The following RAPGEF5 variants were observed in gnomAD, a reference collection of about 807,000 sequenced individuals.
RAPGEF5 encodes Rap guanine nucleotide exchange factor 5, also known as M-Ras-regulated GEF.
In RAPGEF5, 65 loss-of-function variants were observed where a neutral mutation model predicts 125.2. The observed-to-expected ratio is 0.52, with a 90% CI of 0.43 to 0.64. RAPGEF5 has a LOEUF of 0.64. RAPGEF5 is among the 30% of genes least tolerant of loss of function. The pLI, the probability that RAPGEF5 is intolerant of heterozygous loss-of-function variation, is 0.00. For missense variants in RAPGEF5, 958 were observed against 1,048.1 expected (o/e 0.91, Z 1.19); for synonymous variants, 391 against 385.9 (o/e 1.01, Z -0.16).
chr7:22,274,103 T>C (rs1782503498), intron 6 of RAPGEF5, among the ~76,000 whole-genome samples: 1 of 152,204 alleles, frequency 6.6e-6, no homozygotes, highest in African/African-American at 2.4e-5. Flanking sequence ...CTACTGCTTC[T>C]CTTCTCCAAA....
At chr7:22,298,733 T>C (rs750736711) in intron 5 of RAPGEF5, 2 of 152,266 alleles carry the variant, frequency 1.3e-5, no homozygotes, top group Non-Finnish European at 2.9e-5. Context: ...CCAGTAAACT[T>C]ATGTAAGCCC....
Position 22,246,347 on chromosome 7 carries a change from C to T in RAPGEF5, c.797-15428G>A, listed in dbSNP as rs192040793. Among the ~76,000 whole-genome samples the T allele has an allele frequency of 9.9e-5, 15 of 152,216 alleles. No homozygotes were observed. In the East Asian group the frequency reaches 1.5e-3, roughly 16 times the overall value. On this transcript the variant is annotated intron_variant, in intron 7 of 25. Transcript: ENST00000665637. ...AAACTATATTATAAGGCTACAGTTACCAAAACAGCATGGTACTGTTACAAA... is the reference window on the plus strand; with the variant it reads ...AAACTATATTATAAGGCTACAGTTATCAAAACAGCATGGTACTGTTACAAA...
In RAPGEF5 at chr7:22,187,142, C is replaced by A. The variant is rs557883729; in HGVS notation, c.1204+6225G>T. 2.0e-5 allele frequency among the ~76,000 whole-genome samples: 3 copies of A among 152,264 alleles called. No homozygotes were observed. The East Asian group carries it at 5.8e-4, about 29-fold the overall frequency. On this transcript the variant is annotated intron_variant, in intron 11 of 25. Transcript: ENST00000665637. ...AGACCAAATTTCCTAAGCCCTCGTG[C>A]AAGGGCTATGTGATGGTGTTTTCAG...
At chr7:22,182,108 A>C (rs762109517) in intron 11 of RAPGEF5, among the ~76,000 whole-genome samples, 1 of 152,226 alleles carries the variant, frequency 6.6e-6, no homozygotes, top group Non-Finnish European at 1.5e-5. Context: ...ACACACTCTT[A>C]CACAAAAAAA....
chr7:22,339,503 T>C (rs1784087983), intron 1 of RAPGEF5, among the ~76,000 whole-genome samples: 2 of 152,148 alleles, frequency 1.3e-5, no homozygotes. Flanking sequence ...CAGCAAAAGC[T>C]GCAATAACCA....
At chr7:22,325,395 A>C (rs1583579805) in intron 1 of RAPGEF5, among the ~76,000 whole-genome samples, 1 of 151,874 alleles carries the variant, frequency 6.6e-6, no homozygotes, top group Admixed American at 6.6e-5. Flanking sequence ...TGATATTACC[A>C]CCTCAAAAGC....
At chr7:22,183,268 CAAAAA>C (rs757079018) in intron 11 of RAPGEF5, among the ~76,000 whole-genome samples, 1 of 30,958 alleles carries the variant, frequency 3.2e-5, no homozygotes, top group Non-Finnish European at 7.8e-5. Context: ...GACTCCATCA[CAAAAA>C]AAAAAAAAAA....
At chr7:22,264,204 T>A (rs542985817) in intron 7 of RAPGEF5, among the ~76,000 whole-genome samples, 12 of 152,208 alleles carry the variant, frequency 7.9e-5, no homozygotes, top group Non-Finnish European at 1.6e-4. Context: ...TCTGATTATG[T>A]CCTACAGCCA....
At chr7:22,347,036 T>G (rs1343786830) in intron 1 of RAPGEF5, among the ~76,000 whole-genome samples, 4 of 152,036 alleles carry the variant, frequency 2.6e-5, no homozygotes, top group Non-Finnish European at 5.9e-5. Context: ...ATATGGAAAG[T>G]TTAACTTTTA....
intron 7 of RAPGEF5, among the ~76,000 whole-genome samples, chr7:22,241,329 C>G (rs1208658043): frequency 2.0e-5 from 3 of 151,944 alleles, no homozygotes; most frequent in Non-Finnish European, 4.4e-5. Flanking sequence ...GTGGAGCCAC[C>G]AAGAATTCCC....
intron 9 of RAPGEF5, among the ~76,000 whole-genome samples, chr7:22,207,711 A>G (rs1344804485): frequency 6.6e-6 from 1 of 152,230 alleles, no homozygotes; most frequent in African/African-American, 2.4e-5. Flanking sequence ...AACAAATTCA[A>G]TCAGTGAAAC....
chr7:22,343,293 T>C (rs180923860), intron 1 of RAPGEF5, among the ~76,000 whole-genome samples: 3 of 152,282 alleles, frequency 2.0e-5, no homozygotes, highest in Admixed American at 2.0e-4. Flanking sequence ...ACCGGGTTCC[T>C]CCTACAACAC....
At chr7:22,276,401 A>G (rs1321410194) in intron 6 of RAPGEF5, among the ~76,000 whole-genome samples, 1 of 152,110 alleles carries the variant, frequency 6.6e-6, no homozygotes, top group Non-Finnish European at 1.5e-5. Context: ...TCTTTTCTCA[A>G]TCATCGTGCC....
intron 7 of RAPGEF5, among the ~76,000 whole-genome samples, chr7:22,238,496 T>C (rs1330929978): frequency 6.6e-6 from 1 of 152,198 alleles, no homozygotes; most frequent in Non-Finnish European, 1.5e-5. Flanking sequence ...GAAATGTCAC[T>C]ACTCACCAAC....
intron 1 of RAPGEF5, among the ~76,000 whole-genome samples, chr7:22,349,437 A>C (rs978929249): frequency 6.6e-6 from 1 of 151,898 alleles, no homozygotes; most frequent in Non-Finnish European, 1.5e-5. Context: ...AAAAAAAAAA[A>C]AAAAAGGGTG....
At chr7:22,206,688 G>GAA (rs1202149831) in intron 9 of RAPGEF5, among the ~76,000 whole-genome samples, 11 of 62,610 alleles carry the variant, frequency 1.8e-4, no homozygotes, top group Admixed American at 1.7e-4. Flanking sequence ...CATGTCACAA[G>GAA]AAAAAAAAAA....
chr7:22,295,491 C>T (rs569539213), intron 5 of RAPGEF5, among the ~76,000 whole-genome samples: 1 of 152,142 alleles, frequency 6.6e-6, no homozygotes, highest in East Asian at 1.9e-4. Context: ...TTGCAAAATT[C>T]CTGTACTACT....
At chr7:22,145,329 T>A in intron 19 of RAPGEF5, 107 bp from the exon 20 acceptor site, 2 of 1,051,806 alleles carry the variant, frequency 1.9e-6, no homozygotes, top group South Asian at 1.8e-5. Flanking sequence ...CCCATATTAT[T>A]AATACACTAA....
chr7:22,324,689 A>C (rs1185324464), intron 1 of RAPGEF5, among the ~76,000 whole-genome samples: 1 of 152,194 alleles, frequency 6.6e-6, no homozygotes, highest in Non-Finnish European at 1.5e-5. Flanking sequence ...TACAACATTT[A>C]TTTCTTTTCT....
Sources: gnomAD v4.1 joint callset for allele counts (sites outside exome capture counted in the v4.1 genomes callset) on GRCh38, gnomAD v4.1.1 for gene constraint, MANE v1.5 for transcripts, NCBI Gene and HGNC (gene_info 2026-07-23, HGNC 2026-07-21) for gene names.